DLC1: variants seen among roughly 807,000 people sequenced by gnomAD.
The protein encoded by DLC1 is rho GTPase-activating protein 7.
In DLC1, 54 loss-of-function variants were observed where a neutral mutation model predicts 140.3. The ratio of observed to expected loss-of-function variants is 0.38; its 90% CI spans 0.31 to 0.48. DLC1 has a LOEUF of 0.48. Ranked by LOEUF, DLC1 falls within the 20% of genes least tolerant of loss-of-function variation. The pLI, the probability that DLC1 is intolerant of heterozygous loss-of-function variation, is 0.96. For missense variants in DLC1, 2,536 were observed against 1,907.0 expected, an observed-to-expected ratio of 1.33 and a Z score of -6.14; for synonymous variants, 986 against 728.1, an observed-to-expected ratio of 1.35 and a Z score of -5.70.
At chr8:13,569,342 C>T (rs972807857) in intron 1 of DLC1, among the ~76,000 whole-genome samples, 2 of 131,012 alleles carry the variant, frequency 1.5e-5, no homozygotes, top group African/African-American at 5.8e-5. Context: ...TTAAGACCTT[C>T]ATTTATGTAT....
chr8:13,563,237 C>G (rs1359392914), intron 1 of DLC1, among the ~76,000 whole-genome samples: 3 of 151,990 alleles, frequency 2.0e-5, no homozygotes, highest in Non-Finnish European at 4.4e-5. Flanking sequence ...CTTCAACTTG[C>G]AAAAAGGCAT....
rs973886497 is a variant in DLC1, at chr8:13,388,272, T to C, written c.1314+5281A>G. Among the ~76,000 whole-genome samples, 5 of 152,130 alleles carry C rather than the reference T, an allele frequency of 3.3e-5. No individual in the cohort carries two copies. The South Asian group carries it at 1.0e-3, about 32-fold the overall frequency. On this transcript the variant is annotated intron_variant, in intron 4 of 17. Coordinates refer to ENST00000276297, the MANE Select transcript of DLC1 (RefSeq NM_182643.3). ...TTTTAAGTAGTGCTACCATTACTTTTTCAGTGGCAATAATGAACAAGTTGA... is the reference window on the plus strand; with the variant it reads ...TTTTAAGTAGTGCTACCATTACTTTCTCAGTGGCAATAATGAACAAGTTGA...
chr8:13,601,997 T>G (rs1401030405), intron 1 of DLC1, among the ~76,000 whole-genome samples: 1 of 151,844 alleles, frequency 6.6e-6, no homozygotes, highest in South Asian at 2.1e-4. Flanking sequence ...ACCAACGTCA[T>G]AAAAAGGAAA....
At chr8:13,381,720 T>C (rs1222909067) in intron 4 of DLC1, among the ~76,000 whole-genome samples, 1 of 152,106 alleles carries the variant, frequency 6.6e-6, no homozygotes, top group African/African-American at 2.4e-5. Context: ...AGAGACCCTG[T>C]CCTAAAACTG....
At chr8:13,435,120 G>A (rs1386682680) in intron 2 of DLC1, among the ~76,000 whole-genome samples, 3 of 152,188 alleles carry the variant, frequency 2.0e-5, no homozygotes. Flanking sequence ...GAGAATTCAT[G>A]ACTCATGGAA....
At chr8:13,232,494 T>C (rs2583100) in intron 5 of DLC1, among the ~76,000 whole-genome samples, 74,912 of 151,874 alleles carry the variant, frequency 0.49, 18,949 homozygotes, top group East Asian at 0.84. Flanking sequence ...CCACCATGCC[T>C]GGCTAATTTT....
chr8:13,430,224 T>C (rs1047169460), intron 2 of DLC1, among the ~76,000 whole-genome samples: 1 of 152,202 alleles, frequency 6.6e-6, no homozygotes, highest in Non-Finnish European at 1.5e-5. Flanking sequence ...GCAAATTCCC[T>C]TCCTCCCTGC....
At chr8:13,459,022 T>C (rs998158068) in intron 2 of DLC1, among the ~76,000 whole-genome samples, 1 of 152,190 alleles carries the variant, frequency 6.6e-6, no homozygotes, top group Non-Finnish European at 1.5e-5. Context: ...TGACCACACA[T>C]CAATCTATTT....
At chr8:13,449,380 G>T (rs1406971296) in intron 2 of DLC1, among the ~76,000 whole-genome samples, 2 of 152,132 alleles carry the variant, frequency 1.3e-5, no homozygotes, top group Admixed American at 6.5e-5. Context: ...TCAAATGAGG[G>T]ATAATTACCT....
At chr8:13,580,306 A>G (rs902115483) in intron 1 of DLC1, among the ~76,000 whole-genome samples, 3 of 152,016 alleles carry the variant, frequency 2.0e-5, no homozygotes, top group Non-Finnish European at 4.4e-5. Context: ...TATTTTTAGT[A>G]GAGACAGGGT....
intron 7 of DLC1, among the ~76,000 whole-genome samples, chr8:13,109,722 G>T (rs529849432): frequency 1.3e-5 from 2 of 151,766 alleles, no homozygotes; most frequent in Middle Eastern, 3.4e-3. Flanking sequence ...AGTCTCTACT[G>T]AAAATACACA....
chr8:13,207,495 T>A (rs1827724931), intron 5 of DLC1, among the ~76,000 whole-genome samples: 1 of 152,202 alleles, frequency 6.6e-6, no homozygotes, highest in Non-Finnish European at 1.5e-5. Flanking sequence ...ACTTCAAGCA[T>A]ATTCTGTCAT....
At chr8:13,268,127 G>C (rs1830765689) in intron 5 of DLC1, among the ~76,000 whole-genome samples, 1 of 152,106 alleles carries the variant, frequency 6.6e-6, no homozygotes, top group Non-Finnish European at 1.5e-5. Context: ...TTCTAAATCA[G>C]TTGAGATCAC....
intron 4 of DLC1, among the ~76,000 whole-genome samples, chr8:13,321,371 C>G (rs1017173604): frequency 1.4e-4 from 22 of 151,846 alleles, no homozygotes; most frequent in Non-Finnish European, 1.5e-5. Flanking sequence ...AACCCCATCT[C>G]TACTAAAAAT....
intron 1 of DLC1, among the ~76,000 whole-genome samples, chr8:13,553,195 C>T (rs1189590393): frequency 1.7e-5 from 2 of 119,162 alleles, no homozygotes; most frequent in Non-Finnish European, 3.4e-5. Context: ...CAAATACCTG[C>T]CAGCTGTCAT....
chr8:13,562,023 G>T (rs149889739), intron 1 of DLC1, among the ~76,000 whole-genome samples: 1 of 152,094 alleles, frequency 6.6e-6, no homozygotes, highest in African/African-American at 2.4e-5. Flanking sequence ...TTACGGGTAG[G>T]TTGAAGGTAT....
At chr8:13,278,554 A>G (rs1251294207) in intron 5 of DLC1, among the ~76,000 whole-genome samples, 1 of 152,226 alleles carries the variant, frequency 6.6e-6, no homozygotes, top group Non-Finnish European at 1.5e-5. Flanking sequence ...AGGTAGAAGC[A>G]TGTTCCAATG....
At chr8:13,601,651 A>AAAAAC (rs1168137624) in intron 1 of DLC1, among the ~76,000 whole-genome samples, 3 of 151,842 alleles carry the variant, frequency 2.0e-5, no homozygotes, top group Non-Finnish European at 4.4e-5. Flanking sequence ...TAGACAAAAA[A>AAAAAC]AAAACAAAAC....
At chr8:13,463,579 T>C (rs1249134616) in intron 2 of DLC1, among the ~76,000 whole-genome samples, 2 of 152,244 alleles carry the variant, frequency 1.3e-5, no homozygotes, top group African/African-American at 4.8e-5. Context: ...GTAGTGAATT[T>C]GGTAAAGATT....
Sources: gnomAD v4.1 joint callset for allele counts (sites outside exome capture counted in the v4.1 genomes callset) on GRCh38, gnomAD v4.1.1 for gene constraint, MANE v1.5 for transcripts, NCBI Gene and HGNC (gene_info 2026-07-23, HGNC 2026-07-21) for gene names.